The following FAAH2 variants were observed in gnomAD, a reference collection of about 807,000 sequenced individuals.
FAAH2 encodes fatty-acid amide hydrolase 2.
A neutral mutation model predicts 36.9 loss-of-function variants in FAAH2; 60 were observed. The ratio of observed to expected loss-of-function variants is 1.63; its 90% CI spans 1.32 to 2.02. FAAH2 has a LOEUF of 2.02. FAAH2 is among the 30% of genes most tolerant of loss of function. The pLI is 0.00. For missense variants in FAAH2, 689 were observed against 397.5 expected, an observed-to-expected ratio of 1.73 and a Z score of -6.23; for synonymous variants, 214 against 143.8, an observed-to-expected ratio of 1.49 and a Z score of -3.49.
At chrX:57,348,122 G>A (rs1024149918) in intron 5 of FAAH2, among the ~76,000 whole-genome samples, 1 of 110,365 alleles carries the variant, frequency 9.1e-6, no homozygotes, top group East Asian at 2.9e-4. Flanking sequence ...ATAAGTGTAA[G>A]CCCACAGGTC....
the FAAH2 span, among the ~76,000 whole-genome samples, chrX:57,243,978 T>G: frequency 3.7e-4 from 40 of 107,953 alleles, no homozygotes; most frequent in African/African-American, 1.4e-3. Context: ...TCTAACCCAA[T>G]GCAAAAAAGC....
chrX:57,172,280 C>A, the FAAH2 span, among the ~76,000 whole-genome samples: 14 of 111,246 alleles, frequency 1.3e-4, no homozygotes, highest in African/African-American at 3.9e-4. Flanking sequence ...TTTTCTAATT[C>A]TGTGAGAAAT....
In FAAH2 at chrX:57,382,945, G is replaced by A. The variant is rs977886866; in HGVS notation, c.996+1916G>A. Among the ~76,000 whole-genome samples, 10 of 111,339 alleles carry A rather than the reference G, an allele frequency of 9.0e-5. 1 individual carries two copies. Among genetic ancestry groups the A allele is most frequent in the Admixed American group, 5.7e-4 (6 of 10,460 alleles). On this transcript the variant is annotated intron_variant, in intron 7 of 10. Transcript: ENST00000374900. ...ATCCTAAATAAAATACTGCCAAACC[G>A]AATCAAGCAACACATCAAAAAGCTT... is the stretch of plus-strand genomic sequence containing the variant.
the FAAH2 span, among the ~76,000 whole-genome samples, chrX:57,163,624 C>T: frequency 1.8e-5 from 2 of 112,012 alleles, no homozygotes; most frequent in Non-Finnish European, 3.8e-5. Flanking sequence ...ACCCGATTTT[C>T]CAGGTGCTGT....
At chrX:57,354,510 A>G (rs775832089) in intron 5 of FAAH2, among the ~76,000 whole-genome samples, 1 of 110,407 alleles carries the variant, frequency 9.1e-6, no homozygotes, top group Non-Finnish European at 1.9e-5. Flanking sequence ...ATACCCTGCA[A>G]GCCCTGATTT....
rs1569283741 is a variant in FAAH2, at chrX:57,352,045, TATGTGTATATATATATATATAC to T, written c.742+10657_742+10678del. Among the ~76,000 whole-genome samples the T allele has an allele frequency of 5.9e-3, 98 of 16,727 alleles. 17 individuals are homozygous for T. Among genetic ancestry groups the T allele is most frequent in the South Asian group, 0.01 (2 of 200 alleles). 14.5% of individuals were successfully genotyped at this position (16,727 alleles called of 115,157 possible). A position where few individuals can be genotyped will look rare whatever the true frequency, so the allele number is the denominator to read the frequency against. On this transcript the variant is annotated intron_variant, in intron 5 of 10. Transcript: ENST00000374900. ...GTATATATATATATATACATATATA[TATGTGTATATATATATATATAC>T]ACATATATATATGTGTATATATATG...
At chrX:57,310,551 G>A (rs776643224) in intron 2 of FAAH2, 42 bp from the exon 3 acceptor site, 2 of 1,168,479 alleles carry the variant, frequency 1.7e-6, no homozygotes, top group Non-Finnish European at 2.3e-6. Flanking sequence ...TTGGTTGGAT[G>A]ACTTGTTTAG....
At chrX:57,254,439 A>G in the FAAH2 span, among the ~76,000 whole-genome samples, 4 of 112,065 alleles carry the variant, frequency 3.6e-5, no homozygotes, top group Non-Finnish European at 1.9e-5. Flanking sequence ...AGGCATCTAT[A>G]GAACTCTCCA....
At chrX:57,220,548 C>A in the FAAH2 span, among the ~76,000 whole-genome samples, 8 of 112,105 alleles carry the variant, frequency 7.1e-5, no homozygotes, top group Non-Finnish European at 1.5e-4. Flanking sequence ...CACAACAAGT[C>A]CTTCTTAATT....
intron 10 of FAAH2, chrX:57,452,354 G>T: frequency 1.3e-6 from 1 of 746,778 alleles, no homozygotes; most frequent in Non-Finnish European, 1.6e-6. Context: ...AGTCCCTCTT[G>T]TACCCATGCC....
the FAAH2 span, among the ~76,000 whole-genome samples, chrX:57,243,282 C>T: frequency 8.9e-6 from 1 of 111,979 alleles, no homozygotes; most frequent in African/African-American, 3.2e-5. Context: ...TTTCATTTCC[C>T]TGGGACAGAG....
chrX:57,244,894 G>A, the FAAH2 span, among the ~76,000 whole-genome samples: 2 of 111,563 alleles, frequency 1.8e-5, no homozygotes, highest in Non-Finnish European at 3.8e-5. Flanking sequence ...AACCTTAAAT[G>A]TAAATGGGTT....
chrX:57,260,131 A>G, the FAAH2 span, among the ~76,000 whole-genome samples: 3 of 111,668 alleles, frequency 2.7e-5, no homozygotes, highest in African/African-American at 9.7e-5. Context: ...CTTCAAAATA[A>G]TTTTGAAAGA....
chrX:57,217,311 T>A, the FAAH2 span, among the ~76,000 whole-genome samples: 1 of 111,085 alleles, frequency 9.0e-6, no homozygotes, highest in Non-Finnish European at 1.9e-5. Context: ...TTATCTTTCT[T>A]TTTATTGCAT....
At chrX:57,368,472 A>G (rs1215458879) in intron 5 of FAAH2, among the ~76,000 whole-genome samples, 1 of 111,173 alleles carries the variant, frequency 9.0e-6, no homozygotes, top group Non-Finnish European at 1.9e-5. Flanking sequence ...TTGGCACACA[A>G]AAGAGCTTGG....
chrX:57,238,623 C>T, the FAAH2 span, among the ~76,000 whole-genome samples: 2 of 111,430 alleles, frequency 1.8e-5, no homozygotes, highest in East Asian at 2.8e-4. Context: ...TACCCCTGAA[C>T]GTAAAATGAA....
intron 5 of FAAH2, among the ~76,000 whole-genome samples, chrX:57,343,113 C>T (rs1300195281): frequency 9.0e-6 from 1 of 111,487 alleles, no homozygotes; most frequent in African/African-American, 3.2e-5. Context: ...TTTGGTAGAA[C>T]AAATAATTTT....
At chrX:57,214,158 G>T in the FAAH2 span, among the ~76,000 whole-genome samples, 2 of 111,900 alleles carry the variant, frequency 1.8e-5, no homozygotes, top group African/African-American at 6.5e-5. Context: ...GCATGAAATA[G>T]ATTTTTCCAC....
At chrX:57,123,854 G>GT in the FAAH2 span, among the ~76,000 whole-genome samples, 1 of 111,623 alleles carries the variant, frequency 9.0e-6, no homozygotes. Flanking sequence ...GGGGTTGTTT[G>GT]TTTTTTTCTT....
Sources: allele counts gnomAD v4.1 joint callset (sites outside exome capture counted in the v4.1 genomes callset), GRCh38; gene constraint gnomAD v4.1.1; transcripts MANE v1.5; gene names NCBI Gene and HGNC (gene_info 2026-07-23, HGNC 2026-07-21).